The following AGMO variants were observed in gnomAD, a reference collection of about 807,000 sequenced individuals.
AGMO encodes glyceryl-ether monooxygenase.
A neutral mutation model predicts 60.2 loss-of-function variants in AGMO; 75 were observed. The ratio of observed to expected loss-of-function variants is 1.25; its 90% confidence interval spans 1.03 to 1.51. The LOEUF is 1.51. Ranked by LOEUF, AGMO falls within the 40% of genes most tolerant of loss-of-function variation. The pLI is 0.00. For synonymous variants in AGMO, 261 were observed against 177.1 expected (o/e 1.47, Z -3.76); for missense variants, 763 against 525.5 (o/e 1.45, Z -4.42).
At chr7:15,266,908 T>A (rs931534366) in intron 12 of AGMO, among the ~76,000 whole-genome samples, 1 of 151,968 alleles carries the variant, frequency 6.6e-6, no homozygotes, top group Non-Finnish European at 1.5e-5. Flanking sequence ...CAAACTAGAC[T>A]AGCCAATTGT....
intron 5 of AGMO, among the ~76,000 whole-genome samples, chr7:15,402,936 A>T (rs1784591602): frequency 6.6e-6 from 1 of 151,814 alleles, no homozygotes; most frequent in Non-Finnish European, 1.5e-5. Flanking sequence ...AAAAGAAATG[A>T]TGTAATACAC....
intron 3 of AGMO, among the ~76,000 whole-genome samples, chr7:15,507,168 G>C (rs902189114): frequency 2.0e-5 from 3 of 151,894 alleles, no homozygotes; most frequent in Admixed American, 6.6e-5. Flanking sequence ...AAAAGTCAAG[G>C]ACAAAGTGCT....
chr7:15,525,516 GC>G (rs1478709940), intron 3 of AGMO, among the ~76,000 whole-genome samples: 3 of 152,026 alleles, frequency 2.0e-5, no homozygotes, highest in African/African-American at 7.2e-5. Flanking sequence ...GCCCGTAAAA[GC>G]CCCAGCTGAG....
chr7:15,238,018 G>T (rs965185012), intron 12 of AGMO, among the ~76,000 whole-genome samples: 4 of 152,074 alleles, frequency 2.6e-5, no homozygotes, highest in Admixed American at 2.6e-4. Context: ...AAACATAGAT[G>T]GCCTAATCAC....
At chr7:15,258,703 G>A (rs990507513) in intron 12 of AGMO, among the ~76,000 whole-genome samples, 3 of 152,190 alleles carry the variant, frequency 2.0e-5, no homozygotes, top group South Asian at 2.1e-4. Flanking sequence ...TGGAGCAGGG[G>A]CTGGTATCCA....
At chr7:15,294,928 A>G (rs532011231) in intron 12 of AGMO, among the ~76,000 whole-genome samples, 1 of 151,362 alleles carries the variant, frequency 6.6e-6, no homozygotes, top group Non-Finnish European at 1.5e-5. Context: ...TTTAACTTCC[A>G]CGTCATAAAC....
At position 15,339,766 on chromosome 7, in the gene AGMO, C is replaced by G. The variant is rs189468966; in HGVS notation, c.1263+25748G>C. Among the ~76,000 whole-genome samples, 50 of 152,254 alleles carry G rather than the reference C, an allele frequency of 3.3e-4. 1 individual carries two copies. The highest frequency in any genetic ancestry group is 3.1e-3 in the Admixed American group (47 of 15,278). On this transcript the variant is annotated intron_variant, in intron 12 of 12. Coordinates refer to ENST00000342526, the MANE Select transcript of AGMO (RefSeq NM_001004320.2). ...TTAGGCAAAAATCCCCCCAAAAGTT[C>G]CTGTGTTCAGCTACCATTAATCCAA... is the stretch of plus-strand genomic sequence containing the variant.
chr7:15,532,128 TA>T (rs1784384674), intron 3 of AGMO, among the ~76,000 whole-genome samples: 4 of 152,298 alleles, frequency 2.6e-5, no homozygotes, highest in Admixed American at 2.6e-4. Context: ...TATCCTAGTG[TA>T]GGTTAATGCT....
chr7:15,158,907 T>C, the AGMO span, among the ~76,000 whole-genome samples: 1 of 152,088 alleles, frequency 6.6e-6, no homozygotes, highest in African/African-American at 2.4e-5. Flanking sequence ...TAAAAATAAA[T>C]ACAAAATGTT....
chr7:15,459,259 G>A (rs575112818), intron 3 of AGMO, among the ~76,000 whole-genome samples: 1 of 152,094 alleles, frequency 6.6e-6, no homozygotes, highest in African/African-American at 2.4e-5. Flanking sequence ...AGTGAAAACT[G>A]TTTGCTTTTG....
intron 12 of AGMO, among the ~76,000 whole-genome samples, chr7:15,322,515 TAA>T (rs1189571272): frequency 1.3e-5 from 1 of 76,954 alleles, no homozygotes; most frequent in African/African-American, 6.3e-5. Context: ...AATATATATA[TAA>T]ATATATATAA....
At chr7:15,256,979 T>TCTAAACA (rs1428260982) in intron 12 of AGMO, among the ~76,000 whole-genome samples, 4 of 152,200 alleles carry the variant, frequency 2.6e-5, no homozygotes, top group African/African-American at 9.6e-5. Context: ...CTTGTAAGCC[T>TCTAAACA]CTAAACAAAG....
At chr7:15,308,855 T>C (rs935439140) in intron 12 of AGMO, among the ~76,000 whole-genome samples, 2 of 152,184 alleles carry the variant, frequency 1.3e-5, no homozygotes, top group African/African-American at 4.8e-5. Context: ...GGTTAAATAA[T>C]TTACCTAAAC....
chr7:15,327,946 A>AT (rs900424354), intron 12 of AGMO, among the ~76,000 whole-genome samples: 7 of 148,252 alleles, frequency 4.7e-5, no homozygotes, highest in South Asian at 2.1e-4. Context: ...AAAAAAAAAA[A>AT]TTTTTTTTTG....
At chr7:15,269,327 C>A (rs1783526244) in intron 12 of AGMO, among the ~76,000 whole-genome samples, 1 of 151,916 alleles carries the variant, frequency 6.6e-6, no homozygotes, top group Non-Finnish European at 1.5e-5. Flanking sequence ...AAGGGTGTTT[C>A]CAAAAGATTT....
intron 12 of AGMO, among the ~76,000 whole-genome samples, chr7:15,270,637 T>TTTTTTTTTGA (rs1783576880): frequency 1.0e-5 from 1 of 99,342 alleles, no homozygotes. Context: ...TTTTTTTTTT[T>TTTTTTTTTGA]GCTGTGCAGA....
At chr7:15,317,997 T>C (rs116624308) in intron 12 of AGMO, among the ~76,000 whole-genome samples, 3,212 of 142,618 alleles carry the variant, frequency 0.023, 125 homozygotes, top group African/African-American at 0.076. Context: ...TATACACGTA[T>C]ATATATACAT....
chr7:15,286,168 AAAT>A (rs1257254166), intron 12 of AGMO, among the ~76,000 whole-genome samples: 1 of 152,134 alleles, frequency 6.6e-6, no homozygotes, highest in African/African-American at 2.4e-5. Context: ...TGGTCTAGGA[AAAT>A]AATTTATGAC....
chr7:15,369,075 T>G (rs1057228102), intron 10 of AGMO, among the ~76,000 whole-genome samples: 1 of 152,138 alleles, frequency 6.6e-6, no homozygotes, highest in Non-Finnish European at 1.5e-5. Flanking sequence ...GGTCCTTAAC[T>G]TTTTCTGTCA....
Sources: gnomAD v4.1 joint callset for allele counts (sites outside exome capture counted in the v4.1 genomes callset) on GRCh38, gnomAD v4.1.1 for gene constraint, MANE v1.5 for transcripts, NCBI Gene and HGNC (gene_info 2026-07-23, HGNC 2026-07-21) for gene names.